DPP6: variants seen among roughly 807,000 people sequenced by gnomAD.
DPP6 encodes dipeptidyl peptidase like 6.
Under a neutral mutation model 122.6 loss-of-function variants are expected in DPP6, and 69 were observed. The observed-to-expected ratio is 0.56, with a 90% CI of 0.46 to 0.69. The LOEUF (loss-of-function observed/expected upper bound fraction) is 0.69, where lower values mean the gene tolerates loss of function less well. Ranked by LOEUF, DPP6 falls within the 30% of genes least tolerant of loss-of-function variation. The pLI is 0.00. For missense variants in DPP6, 928 were observed against 1,116.9 expected, an observed-to-expected ratio of 0.83 and a Z score of 2.41; for synonymous variants, 418 against 433.1, an observed-to-expected ratio of 0.97 and a Z score of 0.43.
At chr7:154,252,612 G>T (rs951315802) in intron 1 of DPP6, among the ~76,000 whole-genome samples, 9 of 152,148 alleles carry the variant, frequency 5.9e-5, no homozygotes, top group South Asian at 2.1e-4. Flanking sequence ...GATCAGTTGT[G>T]GCTGTGTTAT....
At chr7:154,498,683 AG>A (rs1324755017) in intron 3 of DPP6, among the ~76,000 whole-genome samples, 7 of 152,276 alleles carry the variant, frequency 4.6e-5, no homozygotes, top group African/African-American at 1.7e-4. Context: ...TCAAATATCA[AG>A]GACCCAGGCT....
the DPP6 span, among the ~76,000 whole-genome samples, chr7:153,882,084 G>T: frequency 6.6e-6 from 1 of 152,266 alleles, no homozygotes; most frequent in Non-Finnish European, 1.5e-5. Flanking sequence ...AAGTTAATTT[G>T]TCTAATTTCT....
In DPP6 at chr7:154,243,753, G is replaced by A. The variant is rs578000662; in HGVS notation, c.243+190690G>A. Among the ~76,000 whole-genome samples the A allele has an allele frequency of 3.3e-5, 5 of 151,774 alleles. No individual in the cohort carries two copies. In the East Asian group the frequency reaches 5.8e-4, roughly 18 times the overall value. ...AGAGCTTGCAGTGAGCCGAGATCACGCCACTGCACTCCAGCCTGGGCGACA... is the reference window on the plus strand; with the variant it reads ...AGAGCTTGCAGTGAGCCGAGATCACACCACTGCACTCCAGCCTGGGCGACA... On this transcript the variant is annotated intron_variant, in intron 1 of 25. Coordinates refer to ENST00000377770, the MANE Select transcript of DPP6 (RefSeq NM_130797.4).
chr7:153,961,034 A>G (rs2129028186), intron 1 of DPP6, among the ~76,000 whole-genome samples: 1 of 150,684 alleles, frequency 6.6e-6, no homozygotes, highest in South Asian at 2.1e-4. Context: ...TTGGGCTTCC[A>G]TACATGTGAT....
chr7:154,389,117 C>T (rs1814385423), intron 1 of DPP6, among the ~76,000 whole-genome samples: 1 of 152,190 alleles, frequency 6.6e-6, no homozygotes, highest in African/African-American at 2.4e-5. Context: ...ACGGCTCCCT[C>T]ACCTTATGTA....
Position 154,855,963 on chromosome 7 carries a change from A to G in DPP6, c.1714+2136A>G, listed in dbSNP as rs75933389. 1.8e-3 allele frequency among the ~76,000 whole-genome samples: 268 copies of G among 152,300 alleles called. 1 individual carries two copies. The highest frequency in any genetic ancestry group is 6.3e-3 in the African/African-American group (262 of 41,578). On this transcript the variant is annotated intron_variant, in intron 17 of 25. Transcript: ENST00000377770. ...TGGTAGAAATTAGATAAGGTGTCCA[A>G]TGGAGCTCACAGCATTGCAGCCTCC...
At chr7:153,800,316 C>T in the DPP6 span, among the ~76,000 whole-genome samples, 14 of 152,070 alleles carry the variant, frequency 9.2e-5, no homozygotes, top group Admixed American at 4.6e-4. Flanking sequence ...TGAAATAAAC[C>T]GGGCACAAAA....
chr7:154,559,896 C>A (rs930018086), intron 4 of DPP6, among the ~76,000 whole-genome samples: 3 of 124,308 alleles, frequency 2.4e-5, no homozygotes, highest in East Asian at 2.7e-4. Context: ...CAGAATGAGA[C>A]CTTTTTCTCT....
At chr7:154,587,859 A>G in intron 5 of DPP6, 2 of 1,612,656 alleles carry the variant, frequency 1.2e-6, no homozygotes, top group Non-Finnish European at 1.7e-6. Context: ...TACAAGGGGG[A>G]CCTGTTTCAG....
intron 3 of DPP6, among the ~76,000 whole-genome samples, chr7:154,532,487 A>G (rs1281616967): frequency 3.3e-5 from 5 of 152,104 alleles, no homozygotes; most frequent in African/African-American, 1.2e-4. Flanking sequence ...AATAACAAAG[A>G]AAAGAAAATA....
At chr7:154,828,981 C>T (rs537277771) in intron 16 of DPP6, among the ~76,000 whole-genome samples, 1 of 152,340 alleles carries the variant, frequency 6.6e-6, no homozygotes, top group African/African-American at 2.4e-5. Context: ...GTCATGCTAT[C>T]ATCAATAATG....
the DPP6 span, among the ~76,000 whole-genome samples, chr7:153,813,644 A>G: frequency 2.6e-5 from 4 of 152,068 alleles, no homozygotes; most frequent in Non-Finnish European, 5.9e-5. Context: ...TCCCACCAAC[A>G]GTGTAAAAGT....
intron 8 of DPP6, among the ~76,000 whole-genome samples, chr7:154,749,282 G>A (rs1413547501): frequency 1.5e-5 from 2 of 133,726 alleles, no homozygotes; most frequent in African/African-American, 5.6e-5. Context: ...TAGGACAGGA[G>A]GGAGAGGGAT....
intron 1 of DPP6, chr7:154,059,628 A>G (rs1801382708): frequency 6.7e-6 from 1 of 149,082 alleles, no homozygotes; most frequent in African/African-American, 2.6e-5. Flanking sequence ...GGGGGCGGGG[A>G]CCCGGAACTT....
chr7:154,380,897 C>A (rs541940449), intron 1 of DPP6, among the ~76,000 whole-genome samples: 134 of 152,296 alleles, frequency 8.8e-4, no homozygotes, highest in African/African-American at 3.1e-3. Flanking sequence ...TCTGAGCTTC[C>A]TCATGGGGTG....
chr7:154,188,018 G>T (rs376287230), intron 1 of DPP6, among the ~76,000 whole-genome samples: 1 of 151,912 alleles, frequency 6.6e-6, no homozygotes, highest in South Asian at 2.1e-4. Flanking sequence ...CCAACATTCC[G>T]TACCTGAAGA....
chr7:154,207,847 C>T (rs576573597), intron 1 of DPP6, among the ~76,000 whole-genome samples: 4 of 151,586 alleles, frequency 2.6e-5, no homozygotes, highest in African/African-American at 9.7e-5. Flanking sequence ...CCCAGCTACT[C>T]GAGAGGCTGA....
chr7:153,824,145 T>C, the DPP6 span, among the ~76,000 whole-genome samples: 1 of 152,244 alleles, frequency 6.6e-6, no homozygotes, highest in East Asian at 1.9e-4. Context: ...TCCCGGCACT[T>C]TGGGAGGCCT....
chr7:154,471,211 A>G (rs1822244627), intron 2 of DPP6, among the ~76,000 whole-genome samples: 1 of 152,204 alleles, frequency 6.6e-6, no homozygotes, highest in Non-Finnish European at 1.5e-5. Context: ...AGATTGCGCC[A>G]CCACACTCCC....
Sources: gnomAD v4.1 joint callset for allele counts (sites outside exome capture counted in the v4.1 genomes callset) on GRCh38, gnomAD v4.1.1 for gene constraint, MANE v1.5 for transcripts, NCBI Gene and HGNC (gene_info 2026-07-23, HGNC 2026-07-21) for gene names.